ACYP2: variants seen among roughly 807,000 people sequenced by gnomAD.
The protein encoded by ACYP2 is acylphosphatase-2.
ACYP2 carries 12 observed loss-of-function variants against 11.2 expected under a neutral mutation model. The observed-to-expected ratio is 1.08, with a 90% CI of 0.69 to 1.74. The LOEUF is 1.74. ACYP2 is among the 40% of genes most tolerant of loss of function. The pLI, the probability that ACYP2 is intolerant of heterozygous loss-of-function variation, is 0.00. For synonymous variants in ACYP2, 43 were observed against 32.2 expected (o/e 1.33, Z -1.13); for missense variants, 134 against 101.9 (o/e 1.31, Z -1.35).
At chr2:54,134,825 C>T (rs992945917) in intron 4 of ACYP2, among the ~76,000 whole-genome samples, 3 of 152,144 alleles carry the variant, frequency 2.0e-5, no homozygotes, top group Admixed American at 6.5e-5. Context: ...GTAGAACCCT[C>T]GATATGCTAA....
At chr2:54,240,077 C>G (rs533764065) in intron 6 of ACYP2, among the ~76,000 whole-genome samples, 4 of 152,084 alleles carry the variant, frequency 2.6e-5, no homozygotes, top group African/African-American at 9.7e-5. Context: ...CTTCTCAGAA[C>G]GAAGTTAGAG....
At chr2:54,169,865 T>G (rs868674280) in intron 6 of ACYP2, among the ~76,000 whole-genome samples, 2 of 152,190 alleles carry the variant, frequency 1.3e-5, no homozygotes, top group Non-Finnish European at 2.9e-5. Flanking sequence ...AACAATAGTT[T>G]TAGCGATTTT....
chr2:54,272,947 G>T (rs1573029689), intron 6 of ACYP2, among the ~76,000 whole-genome samples: 1 of 152,184 alleles, frequency 6.6e-6, no homozygotes, highest in Non-Finnish European at 1.5e-5. Context: ...TTTGTCATGA[G>T]CCTTTTCACA....
At chr2:54,090,505 C>T (rs1678169361) in intron 4 of ACYP2, among the ~76,000 whole-genome samples, 1 of 152,084 alleles carries the variant, frequency 6.6e-6, no homozygotes, top group Non-Finnish European at 1.5e-5. Flanking sequence ...GTGGCGTGCG[C>T]CTGGATTCCC....
At chr2:54,150,856 C>T (rs535852773) in intron 6 of ACYP2, among the ~76,000 whole-genome samples, 1 of 151,844 alleles carries the variant, frequency 6.6e-6, no homozygotes, top group African/African-American at 2.4e-5. Flanking sequence ...ATTCTCCTGC[C>T]TCAGCCTCCC....
intron 6 of ACYP2, among the ~76,000 whole-genome samples, chr2:54,215,850 G>C (rs1300314965): frequency 6.6e-6 from 1 of 152,008 alleles, no homozygotes; most frequent in East Asian, 1.9e-4. Flanking sequence ...ATGAAAATTA[G>C]GTCATTTAAA....
chr2:54,255,710 C>T (rs2104023888), intron 6 of ACYP2: 1 of 1,613,988 alleles, frequency 6.2e-7, no homozygotes. Context: ...TTCACGTCCT[C>T]GGCCTTCCCC....
At chr2:54,138,990 G>A (rs546467282) in intron 6 of ACYP2, among the ~76,000 whole-genome samples, 1 of 152,294 alleles carries the variant, frequency 6.6e-6, no homozygotes, top group African/African-American at 2.4e-5. Flanking sequence ...TGGACAGTAA[G>A]AATAGTATTG....
intron 4 of ACYP2, among the ~76,000 whole-genome samples, chr2:54,089,412 A>ATC (rs1558520176): frequency 6.6e-6 from 1 of 151,902 alleles, no homozygotes; most frequent in Non-Finnish European, 1.5e-5. Context: ...ATATATATAT[A>ATC]TCTCCTGGCT....
At chr2:54,132,227 C>G (rs1454958096) in intron 4 of ACYP2, among the ~76,000 whole-genome samples, 1 of 152,126 alleles carries the variant, frequency 6.6e-6, no homozygotes, top group Admixed American at 6.5e-5. Context: ...TGTTTTATCT[C>G]TCTCCTACCT....
chr2:54,060,938 G>A (rs1380770929), intron 4 of ACYP2, among the ~76,000 whole-genome samples: 1 of 151,336 alleles, frequency 6.6e-6, no homozygotes, highest in Non-Finnish European at 1.5e-5. Context: ...CTGCCCTTAT[G>A]TTTTATACCA....
intron 4 of ACYP2, among the ~76,000 whole-genome samples, chr2:54,105,348 C>T (rs1056548696): frequency 1.3e-5 from 2 of 152,166 alleles, no homozygotes; most frequent in Admixed American, 6.5e-5. Flanking sequence ...ATTCCCTCTG[C>T]GTGGATTAAG....
intron 2 of ACYP2, among the ~76,000 whole-genome samples, chr2:54,013,645 T>A (rs1440986682): frequency 1.3e-5 from 2 of 151,512 alleles, no homozygotes; most frequent in African/African-American, 4.9e-5. Flanking sequence ...TGCCTGCACT[T>A]CTATACAAAT....
rs1381014533 is a variant in ACYP2, at chr2:54,165,531, T to TCA, written c.404+26784_404+26785insAC. ...CTCTCTTTCACTCTCTCTCTCTCTC[T>TCA]CTCTCACACACACACACACACACAC... is the stretch of plus-strand genomic sequence containing the variant. On this transcript the variant is annotated intron_variant, in intron 6 of 6. Coordinates refer to ENST00000607452, the MANE Select transcript of ACYP2 (RefSeq NM_001320586.2). Among the ~76,000 whole-genome samples, 865 of 119,598 alleles carry TCA rather than the reference T, an allele frequency of 7.2e-3. 8 individuals carry two copies. The highest frequency in any genetic ancestry group is 0.017 in the African/African-American group (591 of 35,310). The allele number at this position is 119,598 out of a possible 152,430, so 78.5% of individuals were successfully genotyped here.
At chr2:54,232,929 A>G (rs1686302575) in intron 6 of ACYP2, among the ~76,000 whole-genome samples, 1 of 152,212 alleles carries the variant, frequency 6.6e-6, no homozygotes, top group African/African-American at 2.4e-5. Context: ...GTGGGGACAC[A>G]CAGCCAAGCC....
chr2:53,979,426 A>T (rs1453211299), intron 2 of ACYP2, among the ~76,000 whole-genome samples: 1 of 152,058 alleles, frequency 6.6e-6, no homozygotes, highest in Non-Finnish European at 1.5e-5. Flanking sequence ...CAAGAAATTG[A>T]GACCATCCTA....
chr2:54,267,769 G>A (rs1482504340), intron 6 of ACYP2, among the ~76,000 whole-genome samples: 1 of 152,164 alleles, frequency 6.6e-6, no homozygotes, highest in Non-Finnish European at 1.5e-5. Flanking sequence ...ATCTTTTCAA[G>A]CAGCTTCCCT....
At position 54,215,659 on chromosome 2, in the gene ACYP2, A is replaced by C. The variant is rs144876809; in HGVS notation, c.404+76911A>C. 9.3e-4 allele frequency among the ~76,000 whole-genome samples: 141 copies of C among 152,294 alleles called. 1 individual carries two copies. Among genetic ancestry groups the C allele is most frequent in the African/African-American group, 3.3e-3 (139 of 41,578 alleles). ...TCACAATAAATTGTGTAAATTTATA[A>C]CAAGGTATATAATTTCTTATAAAAC... On this transcript the variant is annotated intron_variant, in intron 6 of 6. Transcript: ENST00000607452.
chr2:54,102,638 C>CAAAAAAAAAAAAAAAAAAAAAAAAA lies in ACYP2; in HGVS notation c.278-32803_278-32779dup, dbSNP rs58842257. ...AAACCCAATTTAAGCTGGCTTAAGC[C>CAAAAAAAAAAAAAAAAAAAAAAAAA]AAAAAAAAAAAAAAAAAAAAAAAAA... On this transcript the variant is annotated intron_variant, in intron 4 of 6. Coordinates refer to ENST00000607452, the MANE Select transcript of ACYP2 (RefSeq NM_001320586.2). 2.0e-4 allele frequency among the ~76,000 whole-genome samples: 17 copies of CAAAAAAAAAAAAAAAAAAAAAAAAA among 83,300 alleles called. 3 individuals are homozygous for CAAAAAAAAAAAAAAAAAAAAAAAAA. Among genetic ancestry groups the CAAAAAAAAAAAAAAAAAAAAAAAAA allele is most frequent in the Non-Finnish European group, 3.5e-4 (15 of 43,296 alleles). 54.6% of individuals were successfully genotyped at this position (83,300 alleles called of 152,430 possible). A position where few individuals can be genotyped will look rare whatever the true frequency, so the allele number is the denominator to read the frequency against.
Sources: allele counts gnomAD v4.1 joint callset (sites outside exome capture counted in the v4.1 genomes callset), GRCh38; gene constraint gnomAD v4.1.1; transcripts MANE v1.5; gene names NCBI Gene and HGNC (gene_info 2026-07-23, HGNC 2026-07-21).